The following CDH8 variants were observed in gnomAD, a reference collection of about 807,000 sequenced individuals.
The protein encoded by CDH8 is cadherin 8, also known as cadherin-8.
A neutral mutation model predicts 68.1 loss-of-function variants in CDH8; 17 were observed. That is an observed-to-expected ratio of 0.25 (90% CI 0.17 to 0.37). The LOEUF is 0.37. Among genes scored for constraint, CDH8 ranks in the 10% least tolerant of loss-of-function variants. The pLI, the probability that CDH8 is intolerant of heterozygous loss-of-function variation, is 1.00. For synonymous variants in CDH8, 372 were observed against 365.1 expected (o/e 1.02, Z -0.21); for missense variants, 763 against 999.3 (o/e 0.76, Z 3.19).
At chr16:61,700,950 C>T (rs1180019542) in intron 10 of CDH8, among the ~76,000 whole-genome samples, 5 of 152,122 alleles carry the variant, frequency 3.3e-5, no homozygotes, top group Admixed American at 3.3e-4. Flanking sequence ...GCTAATTACC[C>T]TGATTTGATC....
At position 61,921,021 on chromosome 16, in the gene CDH8, G is replaced by A. The variant is rs1349325481; in HGVS notation, c.253-19548C>T. Among the ~76,000 whole-genome samples, 5 of 147,104 alleles carry A rather than the reference G, an allele frequency of 3.4e-5. No individual in the cohort carries two copies. In the East Asian group the frequency reaches 6.2e-4, roughly 18 times the overall value. ...TCACAAGAACAAAAAACCAAACACC[G>A]CATATTCTCACTCGTAGGTGGGAAT... On this transcript the variant is annotated intron_variant, in intron 2 of 11. Transcript: ENST00000577390.
At chr16:61,953,028 A>G (rs754182107) in intron 2 of CDH8, among the ~76,000 whole-genome samples, 2 of 152,148 alleles carry the variant, frequency 1.3e-5, no homozygotes, top group Non-Finnish European at 2.9e-5. Context: ...GTGATTAGGT[A>G]ACGTGGGCTG....
chr16:62,028,775 C>T (rs2150620233), intron 1 of CDH8, among the ~76,000 whole-genome samples: 1 of 151,918 alleles, frequency 6.6e-6, no homozygotes, highest in East Asian at 1.9e-4. Context: ...CCACAACTCC[C>T]TTGCCAGTTA....
intron 8 of CDH8, among the ~76,000 whole-genome samples, chr16:61,739,524 T>C (rs1298730844): frequency 6.6e-6 from 1 of 151,750 alleles, no homozygotes; most frequent in Non-Finnish European, 1.5e-5. Flanking sequence ...TGGGTTGAAA[T>C]CAATCTATAT....
intron 10 of CDH8, among the ~76,000 whole-genome samples, chr16:61,665,671 GA>G (rs199890584): frequency 6.7e-6 from 1 of 148,848 alleles, no homozygotes; most frequent in Non-Finnish European, 1.5e-5. Flanking sequence ...TAAGTTTAAA[GA>G]AAAAAAAACA....
At chr16:61,873,536 G>T (rs937206970) in intron 3 of CDH8, among the ~76,000 whole-genome samples, 1 of 152,114 alleles carries the variant, frequency 6.6e-6, no homozygotes, top group Non-Finnish European at 1.5e-5. Flanking sequence ...TCTCAAATAC[G>T]TTTACTATAC....
At chr16:61,893,912 G>A (rs908506072) in intron 3 of CDH8, among the ~76,000 whole-genome samples, 6 of 152,078 alleles carry the variant, frequency 3.9e-5, no homozygotes, top group African/African-American at 1.2e-4. Flanking sequence ...ATAGAATGAT[G>A]GAATTAAGAA....
intron 8 of CDH8, among the ~76,000 whole-genome samples, chr16:61,761,433 C>A (rs1252810385): frequency 6.6e-6 from 1 of 152,080 alleles, no homozygotes; most frequent in East Asian, 1.9e-4. Context: ...GGTACATGTG[C>A]ATTTTGTGTT....
chr16:61,935,594 C>G (rs1384135948), intron 2 of CDH8, among the ~76,000 whole-genome samples: 1 of 152,018 alleles, frequency 6.6e-6, no homozygotes, highest in East Asian at 1.9e-4. Context: ...TATTAAATAG[C>G]TATAAAATTT....
chr16:62,034,410 G>T (rs944560971), intron 1 of CDH8, among the ~76,000 whole-genome samples: 3 of 152,154 alleles, frequency 2.0e-5, no homozygotes, highest in African/African-American at 7.2e-5. Context: ...TAGTTTTCCA[G>T]TTGAAAAGCT....
At chr16:61,889,561 G>C (rs1416796590) in intron 3 of CDH8, among the ~76,000 whole-genome samples, 1 of 152,152 alleles carries the variant, frequency 6.6e-6, no homozygotes, top group African/African-American at 2.4e-5. Context: ...TCACAAATAT[G>C]TGTTTCGGAG....
At chr16:62,008,315 G>A (rs1901720522) in intron 2 of CDH8, among the ~76,000 whole-genome samples, 1 of 152,094 alleles carries the variant, frequency 6.6e-6, no homozygotes, top group African/African-American at 2.4e-5. Context: ...CCCTCTATTT[G>A]CCACTTGGCT....
intron 2 of CDH8, among the ~76,000 whole-genome samples, chr16:61,980,481 A>ATC (rs1362002847): frequency 6.6e-6 from 1 of 152,218 alleles, no homozygotes; most frequent in Non-Finnish European, 1.5e-5. Flanking sequence ...TCATAGTAAC[A>ATC]TCTCTCTTTA....
At position 61,647,501 on chromosome 16, in the gene CDH8, T is replaced by C; in HGVS notation, c.*6107A>G. Reference sequence around the variant, plus strand: ...GGTGATCCCAGTGACTCCTAAATTGTCATGTTCCATCTTAGAGCATAATTG... The same window carrying C: ...GGTGATCCCAGTGACTCCTAAATTGCCATGTTCCATCTTAGAGCATAATTG... On this transcript the variant is annotated 3_prime_UTR_variant, in exon 12 of 12. Coordinates refer to ENST00000577390, the MANE Select transcript of CDH8 (RefSeq NM_001796.5). 1 of 297,472 alleles carries C rather than the reference T, an allele frequency of 3.4e-6. No homozygotes were observed. The highest frequency in any genetic ancestry group is 6.2e-6 in the Non-Finnish European group (1 of 161,120). 18.4% of individuals were successfully genotyped at this position (297,472 alleles called of 1,614,324 possible).
chr16:61,681,798 A>T (rs1964017211), intron 10 of CDH8, among the ~76,000 whole-genome samples: 1 of 151,922 alleles, frequency 6.6e-6, no homozygotes, highest in Non-Finnish European at 1.5e-5. Context: ...GAGTAGTTGC[A>T]AAGCTAAAAT....
intron 9 of CDH8, among the ~76,000 whole-genome samples, chr16:61,719,802 A>G (rs1049020437): frequency 1.3e-5 from 2 of 150,782 alleles, no homozygotes; most frequent in Non-Finnish European, 3.0e-5. Context: ...TCTCCCACAA[A>G]TTTTATAATT....
intron 3 of CDH8, among the ~76,000 whole-genome samples, chr16:61,892,834 G>A (rs1963801358): frequency 6.6e-6 from 1 of 152,028 alleles, no homozygotes; most frequent in South Asian, 2.1e-4. Flanking sequence ...TAAGTGGTGA[G>A]CTAATTTATA....
intron 2 of CDH8, among the ~76,000 whole-genome samples, chr16:61,988,743 T>C (rs1965668517): frequency 6.6e-6 from 1 of 152,214 alleles, no homozygotes; most frequent in South Asian, 2.1e-4. Flanking sequence ...GATGTTTTGT[T>C]ATTAATTTAA....
chr16:61,921,147 T>G (rs1238300693), intron 2 of CDH8, among the ~76,000 whole-genome samples: 1 of 149,468 alleles, frequency 6.7e-6, no homozygotes, highest in East Asian at 2.0e-4. Flanking sequence ...GAGATATACC[T>G]AATGCTAGAT....
Sources: allele counts gnomAD v4.1 joint callset (sites outside exome capture counted in the v4.1 genomes callset), GRCh38; gene constraint gnomAD v4.1.1; transcripts MANE v1.5; gene names NCBI Gene and HGNC (gene_info 2026-07-23, HGNC 2026-07-21).